The following GYS1 variants were observed in gnomAD, a reference collection of about 807,000 sequenced individuals.
GYS1 encodes the protein glycogen [starch] synthase, muscle.
In GYS1, 60 loss-of-function variants were observed where a neutral mutation model predicts 89.1. That is an observed-to-expected ratio of 0.67 (90% CI 0.55 to 0.84). The LOEUF (loss-of-function observed/expected upper bound fraction) is 0.84, where lower values mean the gene tolerates loss of function less well. Among genes scored for constraint, GYS1 ranks in the 40% least tolerant of loss-of-function variants. The pLI, the probability that GYS1 is intolerant of heterozygous loss-of-function variation, is 0.00. For synonymous variants in GYS1, 366 were observed against 401.7 expected, an observed-to-expected ratio of 0.91 and a Z score of 1.06; for missense variants, 888 against 1,003.1, an observed-to-expected ratio of 0.89 and a Z score of 1.55.
At chr19:48,977,003 G>T (rs1445540287) in intron 10 of GYS1, among the ~76,000 whole-genome samples, 1 of 152,020 alleles carries the variant, frequency 6.6e-6, no homozygotes, top group Non-Finnish European at 1.5e-5. Context: ...TGCCCAGGCT[G>T]GTCTCAAACT....
At position 48,970,863 on chromosome 19, in the gene GYS1, C is replaced by T. The variant is rs1241741979; in HGVS notation, c.1645+65G>A. On this transcript the variant is annotated intron_variant, in intron 13 of 15. Transcript: ENST00000323798. Reference sequence around the variant, plus strand: ...TCTCCAAGGGTGCAAGCTCCTCCTTCCCAGGATCCAGGAGTCACTGTTCTC... The same window carrying T: ...TCTCCAAGGGTGCAAGCTCCTCCTTTCCAGGATCCAGGAGTCACTGTTCTC... 3 of 1,455,112 alleles carry T rather than the reference C, an allele frequency of 2.1e-6. No individual in the cohort carries two copies. The African/African-American group carries it at 4.2e-5, about 20-fold the overall frequency. 90.1% of individuals were successfully genotyped at this position (1,455,112 alleles called of 1,614,324 possible).
chr19:48,983,639 T>C (rs996911133), intron 5 of GYS1, among the ~76,000 whole-genome samples: 67 of 152,122 alleles, frequency 4.4e-4, no homozygotes, highest in Admixed American at 4.4e-3. Context: ...CTGGAACATA[T>C]AGAGCTAACC....
At chr19:48,983,724 G>A (rs2038799854) in intron 5 of GYS1, among the ~76,000 whole-genome samples, 1 of 151,456 alleles carries the variant, frequency 6.6e-6, no homozygotes, top group Non-Finnish European at 1.5e-5. Flanking sequence ...TGGGAAGAAT[G>A]CCCAGTTCTG....
In GYS1 at chr19:48,970,562, C is replaced by T; in HGVS notation, c.1793G>A (p.Trp598Ter). The T allele has an allele frequency of 3.1e-6, 5 of 1,613,662 alleles. No individual in the cohort carries two copies. The highest frequency in any genetic ancestry group is 4.2e-6 in the Non-Finnish European group (5 of 1,179,824). Residue 598 changes from tryptophan (W) to a stop codon, truncating the protein, a stop_gained, in exon 14 of 16, where the codon TGG (tryptophan) becomes TAG (stop). Transcript: ENST00000323798. LOFTEE classifies it high-confidence loss of function. The part of the protein sequence containing the change: ...RTERLSDLLD[W>*]KYLGRYYMSA... ...GGGTCCTACCCGGCCTAGGTATTTC[C>T]AGTCCAGAAGGTCGGAGAGGCGCTC...
intron 12 of GYS1, among the ~76,000 whole-genome samples, chr19:48,971,973 C>T (rs1272197510): frequency 2.0e-5 from 3 of 151,118 alleles, no homozygotes; most frequent in Non-Finnish European, 4.4e-5. Context: ...GCAATCCTCC[C>T]ACCTCAGCCA....
intron 10 of GYS1, among the ~76,000 whole-genome samples, chr19:48,976,325 G>C (rs1283247883): frequency 1.3e-5 from 2 of 152,096 alleles, no homozygotes; most frequent in Admixed American, 6.6e-5. Flanking sequence ...CTGGACCCCA[G>C]AGAATGAAAG....
At position 48,991,248 on chromosome 19, in the gene GYS1, A is replaced by AC. The variant is rs974364819; in HGVS notation, c.300+53dup. Reference sequence around the variant, plus strand: ...TGCACCCTCTCCGTCTGTGGCTCCCACCCCGATGGCAGGCTGTCCACCCGC... The same window carrying AC: ...TGCACCCTCTCCGTCTGTGGCTCCCACCCCCGATGGCAGGCTGTCCACCCGC... On this transcript the variant is annotated intron_variant, in intron 2 of 15. Coordinates refer to ENST00000323798, the MANE Select transcript of GYS1 (RefSeq NM_002103.5). The surrounding 1 kb of genome is among the most constrained non-coding windows in gnomAD (Gnocchi z 4.7). The AC allele has an allele frequency of 7.0e-6, 11 of 1,581,732 alleles. No homozygotes were observed. The South Asian group carries it at 1.2e-4, about 17-fold the overall frequency.
intron 10 of GYS1, among the ~76,000 whole-genome samples, chr19:48,977,367 CAG>C (rs753347703): frequency 6.6e-6 from 1 of 152,194 alleles, no homozygotes; most frequent in Non-Finnish European, 1.5e-5. Flanking sequence ...CTGAGGCAGA[CAG>C]AACACTTGAG....
At position 48,968,853 on chromosome 19, in the gene GYS1, T is replaced by C. The variant is rs2038502584; in HGVS notation, c.*435A>G. On this transcript the variant is annotated 3_prime_UTR_variant, in exon 16 of 16. Transcript: ENST00000323798. The stretch of plus-strand genomic sequence containing the variant: ...TCGCCCCATTCGCAGGGACACCACG[T>C]GGTTTCCAGAACTTGGTGGCCCGCA... 2.2e-6 allele frequency: 1 copy of C among 462,454 alleles called. No homozygotes were observed. Among genetic ancestry groups the C allele is most frequent in the African/African-American group, 2.0e-5 (1 of 50,396 alleles). 28.6% of individuals were successfully genotyped at this position (462,454 alleles called of 1,614,324 possible). A position where few individuals can be genotyped will look rare whatever the true frequency, so the allele number is the denominator to read the frequency against.
intron 2 of GYS1, among the ~76,000 whole-genome samples, chr19:48,987,905 A>G (rs1459672723): frequency 6.6e-6 from 1 of 151,494 alleles, no homozygotes; most frequent in African/African-American, 2.4e-5. Context: ...GGTTCACACC[A>G]TTCTCCTGCC....
rs2038617042 is a variant in GYS1 at position 48,974,679 on chromosome 19, G to A, written c.1363C>T (p.Pro455Ser). The A allele has an allele frequency of 1.3e-5, 21 of 1,614,062 alleles. No homozygotes were observed. The highest frequency in any genetic ancestry group is 1.7e-5 in the Non-Finnish European group (20 of 1,179,960). The change falls in exon 11 of 16, where the codon CCC becomes TCC. Residue 455 changes from proline (P) to serine (S), a missense_variant. Coordinates refer to ENST00000323798, the MANE Select transcript of GYS1 (RefSeq NM_002103.5). ...ATTCGGCGGATGGTGGTCAGGATGG[G>A]GTCTGAGGAGTCATCCAGCATATTG... ...THNMLDDSSD[P>S]ILTTIRRIGL...
intron 8 of GYS1, among the ~76,000 whole-genome samples, chr19:48,980,659 C>CCA (rs369736294): frequency 7.0e-5 from 10 of 142,412 alleles, no homozygotes; most frequent in African/African-American, 2.6e-4. Flanking sequence ...GACTCTGTTT[C>CCA]AAAAAAAAAA....
rs1568619900 is a variant in GYS1, at chr19:48,978,122, CT to C, written c.1204del (p.Arg402GlyfsTer15). 6.2e-7 allele frequency: 1 copy of C among 1,614,128 alleles called. No homozygotes were observed. The highest frequency in any genetic ancestry group is 8.5e-7 in the Non-Finnish European group (1 of 1,179,986). On this transcript the variant is annotated frameshift_variant, in exon 9 of 16. Coordinates refer to ENST00000323798, the MANE Select transcript of GYS1 (RefSeq NM_002103.5). LOFTEE classifies it high-confidence loss of function. ...TANTVKEKFGRKLYESLLVGS... is the reference protein window; with the variant it reads ...TANTVKEKFGXKLYESLLVGS... ...CACCAGTAAGGATTCATAAAGCTTCCTCCCGAACTTTTCCTTCACCGTGTTG... is the reference window on the plus strand; with the variant it reads ...CACCAGTAAGGATTCATAAAGCTTCCCCCGAACTTTTCCTTCACCGTGTTG...
In GYS1 at chr19:48,985,434, G is replaced by A. The variant is rs374794305; in HGVS notation, c.823+27C>T. 53 of 1,610,796 alleles carry A rather than the reference G, an allele frequency of 3.3e-5. 1 individual carries two copies. The highest frequency in any genetic ancestry group is 2.1e-4 in the South Asian group (19 of 91,050). On this transcript the variant is annotated intron_variant, in intron 5 of 15. Coordinates refer to ENST00000323798, the MANE Select transcript of GYS1 (RefSeq NM_002103.5). ...ATAGACAGCTGCCTACCTCATTCAC[G>A]TCTGGGGACTTCAGCCCAGCCCCTA...
Position 48,985,482 on chromosome 19 carries a change from G to A in GYS1, c.802C>T (p.His268Tyr). The A allele has an allele frequency of 2.5e-6, 4 of 1,613,974 alleles. No individual in the cohort carries two copies. Among genetic ancestry groups the A allele is most frequent in the Non-Finnish European group, 3.4e-6 (4 of 1,180,032 alleles). The change falls in exon 5 of 16, where the codon CAC becomes TAC. Residue 268 changes from histidine (H) to tyrosine (Y), a missense_variant. Coordinates refer to ENST00000323798, the MANE Select transcript of GYS1 (RefSeq NM_002103.5). ...VSQITAIEAQ[H>Y]LLKRKPDIVT... Reference sequence around the variant, plus strand: ...CTACCTGGTTTCCTCTTGAGCAAGTGCTGTGCCTCGATGGCGGTGATCTGG... The same window carrying A: ...CTACCTGGTTTCCTCTTGAGCAAGTACTGTGCCTCGATGGCGGTGATCTGG...
chr19:48,983,704 T>C (rs762201910), intron 5 of GYS1, among the ~76,000 whole-genome samples: 1 of 151,998 alleles, frequency 6.6e-6, no homozygotes, highest in African/African-American at 2.4e-5. Context: ...TGAGAACGGA[T>C]ACTAAGGGCT....
chr19:48,970,381 A>G (rs777365802), intron 14 of GYS1, 165 bp downstream of exon 14: 112 of 647,920 alleles, frequency 1.7e-4, no homozygotes, highest in Non-Finnish European at 2.4e-4. Flanking sequence ...AGGCCTCCCA[A>G]AGTGCTGGGA....
At chr19:48,990,943 C>T (rs943958296) in intron 2 of GYS1, among the ~76,000 whole-genome samples, 16 of 152,216 alleles carry the variant, frequency 1.1e-4, no homozygotes, top group East Asian at 5.8e-4. Context: ...TACAGGCACC[C>T]GCCACCACAC....
At chr19:48,980,204 C>G (rs1270609732) in intron 8 of GYS1, among the ~76,000 whole-genome samples, 2 of 152,184 alleles carry the variant, frequency 1.3e-5, no homozygotes, top group Non-Finnish European at 2.9e-5. Context: ...CCTCAGATAC[C>G]CACAGGGCTT....
Sources: gnomAD v4.1 joint callset for allele counts (sites outside exome capture counted in the v4.1 genomes callset) on GRCh38, gnomAD v4.1.1 for gene constraint, Gnocchi (gnomAD v3.1) non-coding constraint, MANE v1.5 for transcripts, NCBI Gene and HGNC (gene_info 2026-07-23, HGNC 2026-07-21) for gene names.